GRIP1: variants seen among roughly 807,000 people sequenced by gnomAD.
The protein encoded by GRIP1 is glutamate receptor-interacting protein 1.
GRIP1 carries 45 observed loss-of-function variants against 129.9 expected under a neutral mutation model. The observed-to-expected ratio is 0.35, with a 90% CI of 0.27 to 0.44. GRIP1 has a LOEUF of 0.44. Ranked by LOEUF, GRIP1 falls within the 20% of genes least tolerant of loss-of-function variation. The pLI is 1.00. For missense variants in GRIP1, 1,196 were observed against 1,396.8 expected, an observed-to-expected ratio of 0.86 and a Z score of 2.29; for synonymous variants, 530 against 520.8, an observed-to-expected ratio of 1.02 and a Z score of -0.24.
At chr12:66,782,194 A>G (rs1184511061) in intron 1 of GRIP1, among the ~76,000 whole-genome samples, 1 of 152,154 alleles carries the variant, frequency 6.6e-6, no homozygotes, top group Non-Finnish European at 1.5e-5. Flanking sequence ...TTTTTATATA[A>G]ATGTTACACT....
At chr12:66,707,392 C>T (rs576085459) in intron 1 of GRIP1, among the ~76,000 whole-genome samples, 6 of 150,694 alleles carry the variant, frequency 4.0e-5, no homozygotes, top group African/African-American at 1.2e-4. Flanking sequence ...ATGAATAAAA[C>T]GTTGCTTACA....
intron 1 of GRIP1, among the ~76,000 whole-genome samples, chr12:66,692,052 T>C (rs2035000455): frequency 6.6e-6 from 1 of 152,174 alleles, no homozygotes; most frequent in African/African-American, 2.4e-5. Flanking sequence ...TTGGAGTAGA[T>C]TTATACCCTG....
intron 16 of GRIP1, among the ~76,000 whole-genome samples, chr12:66,397,167 A>T (rs1452292360): frequency 6.6e-6 from 1 of 151,418 alleles, no homozygotes; most frequent in East Asian, 1.9e-4. Flanking sequence ...CATTACAATC[A>T]AAAGCAATGA....
chr12:66,871,772 T>C (rs1352145298), intron 1 of GRIP1, among the ~76,000 whole-genome samples: 4 of 152,052 alleles, frequency 2.6e-5, no homozygotes, highest in African/African-American at 9.7e-5. Flanking sequence ...TTATGCCAGG[T>C]AGGGATTTTG....
intron 1 of GRIP1, among the ~76,000 whole-genome samples, chr12:66,988,352 A>G (rs994762512): frequency 3.3e-5 from 5 of 152,104 alleles, no homozygotes; most frequent in African/African-American, 4.8e-5. Context: ...GCCTTGTGCT[A>G]CTTCTCTGAT....
At chr12:66,651,582 C>A (rs1038012066) in intron 1 of GRIP1, among the ~76,000 whole-genome samples, 38 of 152,148 alleles carry the variant, frequency 2.5e-4, no homozygotes, top group African/African-American at 8.9e-4. Context: ...AGATTTTATT[C>A]ACTTTAATAC....
intron 1 of GRIP1, among the ~76,000 whole-genome samples, chr12:66,772,582 GA>G (rs1193598810): frequency 6.6e-6 from 1 of 152,130 alleles, no homozygotes; most frequent in Non-Finnish European, 1.5e-5. Context: ...TGTGCTAAGG[GA>G]AAAAGCTACT....
Position 66,384,901 on chromosome 12 carries a change from C to G in GRIP1, c.2465-5465G>C, listed in dbSNP as rs561526958. Reference sequence around the variant, plus strand: ...AGCTAAACTTGACCTTTAACTGATACAGCTGGCTGGTGATACCATGATTTA... The same window carrying G: ...AGCTAAACTTGACCTTTAACTGATAGAGCTGGCTGGTGATACCATGATTTA... On this transcript the variant is annotated intron_variant, in intron 19 of 24. Transcript: ENST00000359742. Among the ~76,000 whole-genome samples the G allele has an allele frequency of 2.6e-4, 40 of 152,330 alleles. No homozygotes were observed. The South Asian group carries it at 7.5e-3, about 28-fold the overall frequency.
intron 1 of GRIP1, among the ~76,000 whole-genome samples, chr12:67,060,696 A>G (rs2043516999): frequency 6.6e-6 from 1 of 151,826 alleles, no homozygotes; most frequent in Non-Finnish European, 1.5e-5. Context: ...GGTGGTGCAC[A>G]CCCGTAATCC....
At chr12:66,628,401 C>T (rs369363668) in intron 1 of GRIP1, among the ~76,000 whole-genome samples, 14 of 129,960 alleles carry the variant, frequency 1.1e-4, no homozygotes, top group African/African-American at 1.7e-4. Context: ...AGGGATTTCC[C>T]GTACTAACAT....
intron 1 of GRIP1, among the ~76,000 whole-genome samples, chr12:66,975,499 A>C (rs1604842): frequency 0.16 from 24,395 of 152,158 alleles, 2,292 homozygotes; most frequent in East Asian, 0.41. Flanking sequence ...AACTATTAAC[A>C]ATAAAAAATA....
At chr12:67,003,590 G>A (rs1180564914) in intron 1 of GRIP1, among the ~76,000 whole-genome samples, 1 of 152,108 alleles carries the variant, frequency 6.6e-6, no homozygotes, top group Non-Finnish European at 1.5e-5. Flanking sequence ...CTACTCGGGA[G>A]GCTGAGGCAG....
chr12:66,895,467 C>T (rs571586329), intron 1 of GRIP1, among the ~76,000 whole-genome samples: 1 of 152,236 alleles, frequency 6.6e-6, no homozygotes, highest in African/African-American at 2.4e-5. Flanking sequence ...TATAAATTAC[C>T]CAGCCTCAGG....
chr12:66,464,512 CAAAG>C (rs2059226121), intron 8 of GRIP1, among the ~76,000 whole-genome samples: 3 of 151,988 alleles, frequency 2.0e-5, no homozygotes, highest in Admixed American at 1.3e-4. Context: ...ATTTAAGAAA[CAAAG>C]AAATCAGATT....
At chr12:66,590,194 C>G (rs1473784636) in intron 2 of GRIP1, among the ~76,000 whole-genome samples, 1 of 152,114 alleles carries the variant, frequency 6.6e-6, no homozygotes, top group Non-Finnish European at 1.5e-5. Flanking sequence ...AAGGGGTACC[C>G]AAACGGGGAT....
At chr12:66,636,715 C>CTCTCTGTGTGTG (rs779418554) in intron 1 of GRIP1, among the ~76,000 whole-genome samples, 4 of 145,108 alleles carry the variant, frequency 2.8e-5, no homozygotes, top group African/African-American at 1.0e-4. Flanking sequence ...CATTAGATCT[C>CTCTCTGTGTGTG]TGTGTGTGTG....
At chr12:66,913,453 T>A (rs1279732935) in intron 1 of GRIP1, among the ~76,000 whole-genome samples, 1 of 152,164 alleles carries the variant, frequency 6.6e-6, no homozygotes, top group African/African-American at 2.4e-5. Context: ...CCCTCAGTAA[T>A]GTTCCAGTAA....
chr12:66,348,816 T>G lies in GRIP1; in HGVS notation c.*203A>C, dbSNP rs1414325214. ...GACTGGCAGGGCATTGCCCACCATA[T>G]ACCATAGTGGTCACCAAAAAAGAAA... On this transcript the variant is annotated 3_prime_UTR_variant, in exon 25 of 25. Coordinates refer to ENST00000359742, the MANE Select transcript of GRIP1 (RefSeq NM_001366722.1). 2.0e-5 allele frequency: 12 copies of G among 606,354 alleles called. No individual in the cohort carries two copies. The Admixed American group carries it at 2.5e-4, about 13-fold the overall frequency. The allele number at this position is 606,354 out of a possible 1,614,324, so 37.6% of individuals were successfully genotyped here. A position where few individuals can be genotyped will look rare whatever the true frequency, so the allele number is the denominator to read the frequency against.
intron 1 of GRIP1, among the ~76,000 whole-genome samples, chr12:67,014,861 A>G (rs2042762117): frequency 6.6e-6 from 1 of 152,210 alleles, no homozygotes. Context: ...TTGCAGTCAG[A>G]AATTAAGAAC....
Sources: gnomAD v4.1 joint callset for allele counts (sites outside exome capture counted in the v4.1 genomes callset) on GRCh38, gnomAD v4.1.1 for gene constraint, MANE v1.5 for transcripts, NCBI Gene and HGNC (gene_info 2026-07-23, HGNC 2026-07-21) for gene names.